GGTA1: variants seen among roughly 807,000 people sequenced by gnomAD.
GGTA1 encodes glycoprotein alpha-galactosyltransferase 1 (inactive), also known as inactive N-acetyllactosaminide alpha-1,3-galactosyltransferase.
GGTA1 carries 5 observed loss-of-function variants against 2.6 expected under a neutral mutation model. The ratio of observed to expected loss-of-function variants is 1.92; its 90% CI spans 1.00 to 4.04. The LOEUF (loss-of-function observed/expected upper bound fraction) is 4.04. GGTA1 is among the 30% of genes most tolerant of loss of function. GGTA1 has a pLI of 0.00. For missense variants in GGTA1, 50 were observed against 16.7 expected (o/e 2.99, Z -3.47); for synonymous variants, 17 against 5.0 (o/e 3.38, Z -3.19).
chr9:121,482,006 A>C (rs1170031516), intron 1 of GGTA1, among the ~76,000 whole-genome samples: 1 of 151,880 alleles, frequency 6.6e-6, no homozygotes, highest in African/African-American at 2.4e-5. Flanking sequence ...CAAAAAAAAA[A>C]AAAAGAATAA....
intron 1 of GGTA1, among the ~76,000 whole-genome samples, chr9:121,493,977 G>A (rs111988317): frequency 1.6e-4 from 25 of 151,976 alleles, no homozygotes; most frequent in African/African-American, 6.0e-4. Context: ...GGCTGGTCTC[G>A]AACTCCTGAC....
rs897375540 is a variant in GGTA1 at position 121,467,340 on chromosome 9, A to ACT, written c.80+501_80+502dup. On this transcript the variant is annotated intron_variant, in intron 2 of 5. Transcript: ENST00000481799. ...TAAACACACACACACACCCACACAC[A>ACT]CTCTCTCTCTCTCTCAAAGATTTTA... Among the ~76,000 whole-genome samples, 7 of 151,454 alleles carry ACT rather than the reference A, an allele frequency of 4.6e-5. No individual in the cohort carries two copies. In the East Asian group the frequency reaches 9.7e-4, roughly 21 times the overall value.
intron 1 of GGTA1, among the ~76,000 whole-genome samples, chr9:121,484,172 C>T (rs746553237): frequency 3.9e-5 from 6 of 152,082 alleles, no homozygotes; most frequent in African/African-American, 7.2e-5. Context: ...AACAAAACTG[C>T]ATTTGTACCC....
downstream of GGTA1, among the ~76,000 whole-genome samples, chr9:121,451,776 G>A (rs775694811): frequency 6.6e-6 from 1 of 152,156 alleles, no homozygotes; most frequent in Non-Finnish European, 1.5e-5. Flanking sequence ...ATAGGAAAAA[G>A]AATGATGCAC....
intron 7 of GGTA1, chr9:121,447,642 T>A (rs774020189): frequency 6.6e-6 from 1 of 152,328 alleles, no homozygotes; most frequent in East Asian, 1.9e-4. Flanking sequence ...CTGGGATTCC[T>A]GAAAGAAACC....
chr9:121,463,229 T>A, intron 3 of GGTA1, 64 bp downstream of exon 3: 1 of 452,604 alleles, frequency 2.2e-6, no homozygotes, highest in Non-Finnish European at 4.4e-6. Context: ...AAGAATGGAC[T>A]GTAGGGGGTG....
chr9:121,452,527 T>A (rs1003763332), downstream of GGTA1, among the ~76,000 whole-genome samples: 3 of 151,940 alleles, frequency 2.0e-5, no homozygotes, highest in Non-Finnish European at 2.9e-5. Context: ...TTTTATTTTT[T>A]ATTTTTTTTT....
chr9:121,474,148 A>G (rs923636194), intron 1 of GGTA1, among the ~76,000 whole-genome samples: 8 of 152,278 alleles, frequency 5.3e-5, no homozygotes, highest in African/African-American at 1.7e-4. Flanking sequence ...TGGAACCCTG[A>G]TGTCCCCTGG....
chr9:121,491,206 G>C (rs930599109), intron 1 of GGTA1, among the ~76,000 whole-genome samples: 10 of 152,148 alleles, frequency 6.6e-5, no homozygotes, highest in African/African-American at 1.9e-4. Flanking sequence ...AAGTGTCTTG[G>C]CTTTTCCCAC....
intron 5 of GGTA1, among the ~76,000 whole-genome samples, chr9:121,459,841 C>T (rs750597854): frequency 1.3e-5 from 2 of 152,226 alleles, no homozygotes; most frequent in Non-Finnish European, 2.9e-5. Context: ...CAAATACAAC[C>T]ATGTTGATTG....
downstream of GGTA1, among the ~76,000 whole-genome samples, chr9:121,450,904 G>T (rs1331699811): frequency 6.6e-6 from 1 of 152,154 alleles, no homozygotes; most frequent in Admixed American, 6.5e-5. Flanking sequence ...GCTCTGGGTT[G>T]GGGAAGGTTA....
intron 1 of GGTA1, among the ~76,000 whole-genome samples, chr9:121,480,061 C>CTTTTCTTTTCTTTTTTTTTT (rs58602847): frequency 4.3e-5 from 6 of 139,856 alleles, no homozygotes; most frequent in African/African-American, 1.0e-4. Context: ...CTTTTCTTTT[C>CTTTTCTTTTCTTTTTTTTTT]TTTTTTTTTT....
At chr9:121,468,800 A>G (rs1253274789) in intron 1 of GGTA1, among the ~76,000 whole-genome samples, 1 of 152,144 alleles carries the variant, frequency 6.6e-6, no homozygotes, top group Non-Finnish European at 1.5e-5. Context: ...CTCAGAGGGG[A>G]GGTATCCCTA....
chr9:121,460,796 G>A (rs867364828), intron 4 of GGTA1, among the ~76,000 whole-genome samples: 1 of 152,064 alleles, frequency 6.6e-6, no homozygotes, highest in African/African-American at 2.4e-5. Flanking sequence ...AGTGAGCCGA[G>A]ACCACGCCAC....
intron 1 of GGTA1, among the ~76,000 whole-genome samples, chr9:121,470,179 C>T (rs1200514827): frequency 3.3e-5 from 5 of 152,174 alleles, no homozygotes; most frequent in Admixed American, 6.5e-5. Context: ...TAAAAGAATA[C>T]ATAACAGTGG....
intron 1 of GGTA1, among the ~76,000 whole-genome samples, chr9:121,497,585 A>T (rs922727299): frequency 2.0e-5 from 3 of 152,060 alleles, no homozygotes; most frequent in African/African-American, 7.2e-5. Flanking sequence ...CTCAGGCTCC[A>T]GTCTTAGAAG....
exon 8 of GGTA1, chr9:121,447,332 C>T (rs946917858): frequency 2.0e-5 from 3 of 152,640 alleles, no homozygotes; most frequent in African/African-American, 7.2e-5. Context: ...AAGACCTGGT[C>T]CACATCCATG....
intron 5 of GGTA1, among the ~76,000 whole-genome samples, chr9:121,458,534 G>A (rs924762243): frequency 2.0e-5 from 3 of 151,842 alleles, no homozygotes; most frequent in Non-Finnish European, 4.4e-5. Flanking sequence ...GGCTGAGGCG[G>A]GAGGATCACT....
chr9:121,457,097 A>G (rs1387167662), intron 5 of GGTA1, among the ~76,000 whole-genome samples: 1 of 152,242 alleles, frequency 6.6e-6, no homozygotes, highest in Non-Finnish European at 1.5e-5. Context: ...AAGGGGATGA[A>G]GTAGAAAGGA....
Sources: allele counts gnomAD v4.1 joint callset (sites outside exome capture counted in the v4.1 genomes callset), GRCh38; gene constraint gnomAD v4.1.1; transcripts MANE v1.5; gene names NCBI Gene and HGNC (gene_info 2026-07-23, HGNC 2026-07-21).